SEMA6D: variants seen among roughly 807,000 people sequenced by gnomAD.
The protein encoded by SEMA6D is semaphorin 6D.
Under a neutral mutation model 106.6 loss-of-function variants are expected in SEMA6D, and 35 were observed. The ratio of observed to expected loss-of-function variants is 0.33; its 90% CI spans 0.25 to 0.44. The LOEUF (loss-of-function observed/expected upper bound fraction) is 0.44. Ranked by LOEUF, SEMA6D falls within the 20% of genes least tolerant of loss-of-function variation. The probability of loss-of-function intolerance (pLI) is 1.00; values close to 1 mark genes in which losing one functional copy is unlikely to be tolerated. For synonymous variants in SEMA6D, 499 were observed against 487.7 expected (o/e 1.02, Z -0.31); for missense variants, 1,185 against 1,345.9 (o/e 0.88, Z 1.87).
At chr15:47,497,046 ACTCT>A (rs1479699096) in intron 3 of SEMA6D, among the ~76,000 whole-genome samples, 1 of 150,970 alleles carries the variant, frequency 6.6e-6, no homozygotes, top group African/African-American at 2.4e-5. Context: ...ACCTTTCTTC[ACTCT>A]CTCAATAGTT....
At chr15:47,540,920 G>C (rs2048364894) in intron 3 of SEMA6D, among the ~76,000 whole-genome samples, 1 of 152,132 alleles carries the variant, frequency 6.6e-6, no homozygotes, top group African/African-American at 2.4e-5. Flanking sequence ...AGTGTCCCAA[G>C]AGCAAGAAAC....
At chr15:47,549,894 T>C (rs879582399) in intron 3 of SEMA6D, among the ~76,000 whole-genome samples, 1 of 152,194 alleles carries the variant, frequency 6.6e-6, no homozygotes, top group Non-Finnish European at 1.5e-5. Context: ...AAAGTCCCAA[T>C]ACTTGCCTAA....
chr15:47,207,868 C>T (rs1044341546), intron 1 of SEMA6D, among the ~76,000 whole-genome samples: 1 of 151,974 alleles, frequency 6.6e-6, no homozygotes, highest in African/African-American at 2.4e-5. Context: ...CTAAGATGTC[C>T]ATTTTACAGA....
At chr15:47,421,707 G>A (rs571728135) in intron 2 of SEMA6D, among the ~76,000 whole-genome samples, 1 of 152,010 alleles carries the variant, frequency 6.6e-6, no homozygotes, top group South Asian at 2.1e-4. Flanking sequence ...GATAAGGGGG[G>A]ATCAGAAGTA....
chr15:47,285,622 G>A (rs549773433), intron 1 of SEMA6D, among the ~76,000 whole-genome samples: 1 of 152,194 alleles, frequency 6.6e-6, no homozygotes, highest in Non-Finnish European at 1.5e-5. Context: ...CAGATGAAAA[G>A]TGGATGAACT....
intron 3 of SEMA6D, among the ~76,000 whole-genome samples, chr15:47,572,391 A>C (rs2076078068): frequency 6.6e-6 from 1 of 152,208 alleles, no homozygotes; most frequent in Non-Finnish European, 1.5e-5. Flanking sequence ...ACAGTGCCTT[A>C]AATTCTTTTA....
intron 1 of SEMA6D, among the ~76,000 whole-genome samples, chr15:47,726,003 G>A (rs887829545): frequency 4.6e-5 from 7 of 152,246 alleles, no homozygotes; most frequent in Non-Finnish European, 8.8e-5. Context: ...CAAATTCAAT[G>A]TTGGGAACTC....
intron 1 of SEMA6D, among the ~76,000 whole-genome samples, chr15:47,344,223 C>G (rs1444706801): frequency 6.6e-6 from 1 of 152,068 alleles, no homozygotes; most frequent in Non-Finnish European, 1.5e-5. Context: ...AAAAGGAAAT[C>G]TTATCACTAC....
At chr15:47,670,477 T>C (rs2078116219) in intron 4 of SEMA6D, among the ~76,000 whole-genome samples, 1 of 152,160 alleles carries the variant, frequency 6.6e-6, no homozygotes, top group Admixed American at 6.6e-5. Context: ...TCTTGGCTAA[T>C]GCATAGCGGG....
intron 1 of SEMA6D, among the ~76,000 whole-genome samples, chr15:47,195,071 T>A (rs1338080182): frequency 2.6e-5 from 4 of 152,222 alleles, no homozygotes. Flanking sequence ...CTATTTCTCC[T>A]CCATACAAAT....
chr15:47,506,599 A>AACAC (rs61155774), intron 3 of SEMA6D, among the ~76,000 whole-genome samples: 3,999 of 137,778 alleles, frequency 0.029, 92 homozygotes, highest in African/African-American at 0.049. Flanking sequence ...CACACACACA[A>AACAC]ACACACACAC....
chr15:47,508,874 C>T (rs988706863), intron 3 of SEMA6D, among the ~76,000 whole-genome samples: 3 of 152,138 alleles, frequency 2.0e-5, no homozygotes, highest in African/African-American at 4.8e-5. Flanking sequence ...AGATAATAAA[C>T]ATTCCTGTTG....
At chr15:47,307,628 C>A (rs1344575554) in intron 1 of SEMA6D, among the ~76,000 whole-genome samples, 1 of 152,128 alleles carries the variant, frequency 6.6e-6, no homozygotes, top group Non-Finnish European at 1.5e-5. Context: ...GTGGGGAATT[C>A]AGTGACCATC....
At chr15:47,227,529 C>T (rs2031807576) in intron 1 of SEMA6D, among the ~76,000 whole-genome samples, 1 of 131,180 alleles carries the variant, frequency 7.6e-6, no homozygotes, top group African/African-American at 2.8e-5. Flanking sequence ...TTCTTTCTTC[C>T]TCTTTCTCCT....
At chr15:47,726,519 C>T (rs2079763131) in intron 1 of SEMA6D, among the ~76,000 whole-genome samples, 2 of 152,218 alleles carry the variant, frequency 1.3e-5, no homozygotes, top group African/African-American at 2.4e-5. Flanking sequence ...CCATGATAGG[C>T]AGTGTGAGTA....
intron 1 of SEMA6D, among the ~76,000 whole-genome samples, chr15:47,271,092 G>A (rs1190862180): frequency 2.0e-5 from 3 of 152,086 alleles, no homozygotes; most frequent in Admixed American, 2.0e-4. Flanking sequence ...TATATTTAAT[G>A]AAATACACAA....
intron 3 of SEMA6D, among the ~76,000 whole-genome samples, chr15:47,533,182 A>G (rs2045033525): frequency 6.6e-6 from 1 of 152,194 alleles, no homozygotes; most frequent in African/African-American, 2.4e-5. Context: ...CTACCTGCCT[A>G]ATGCATCTGT....
In SEMA6D at chr15:47,228,001, TTA is replaced by T. The variant is rs369450989; in HGVS notation, c.-239+43592_-239+43593del. On this transcript the variant is annotated intron_variant, in intron 1 of 19. Transcript: ENST00000558014. ...TATATATATAAGATTCTTATATATT[TTA>T]TATATATAAGAATCATATATTTTTT... Among the ~76,000 whole-genome samples the T allele has an allele frequency of 9.3e-3, 220 of 23,762 alleles. 4 individuals are homozygous for T. Among genetic ancestry groups the T allele is most frequent in the Non-Finnish European group, 0.012 (156 of 13,238 alleles). The allele number at this position is 23,762 out of a possible 152,430, so 15.6% of individuals were successfully genotyped here.
chr15:47,310,107 TC>T (rs1477465632), intron 1 of SEMA6D, among the ~76,000 whole-genome samples: 1 of 152,212 alleles, frequency 6.6e-6, no homozygotes, highest in Non-Finnish European at 1.5e-5. Flanking sequence ...TGAGAAAGAT[TC>T]TTGTGAACAA....
Sources: gnomAD v4.1 joint callset for allele counts (sites outside exome capture counted in the v4.1 genomes callset) on GRCh38, gnomAD v4.1.1 for gene constraint, MANE v1.5 for transcripts, NCBI Gene and HGNC (gene_info 2026-07-23, HGNC 2026-07-21) for gene names.